The following ZNF280B variants were observed in gnomAD, a reference collection of about 807,000 sequenced individuals.
The protein encoded by ZNF280B is suppressor of hairy wing homolog 2.
Under a neutral mutation model 38.0 loss-of-function variants are expected in ZNF280B, and 16 were observed. The observed-to-expected ratio is 0.42, with a 90% CI of 0.28 to 0.64. ZNF280B has a LOEUF of 0.64. ZNF280B is among the 30% of genes least tolerant of loss of function. The pLI, the probability that ZNF280B is intolerant of heterozygous loss-of-function variation, is 0.21. For synonymous variants in ZNF280B, 253 were observed against 230.6 expected, an observed-to-expected ratio of 1.10 and a Z score of -0.88; for missense variants, 581 against 639.6, an observed-to-expected ratio of 0.91 and a Z score of 0.99.
At chr22:22,492,408 C>T (rs1345252610) in intron 3 of ZNF280B, among the ~76,000 whole-genome samples, 1 of 151,842 alleles carries the variant, frequency 6.6e-6, no homozygotes. Context: ...TTAGCAGCAT[C>T]TGTGATCTCT....
chr22:22,499,486 C>CG (rs2061772780), intron 2 of ZNF280B, among the ~76,000 whole-genome samples: 1 of 151,730 alleles, frequency 6.6e-6, no homozygotes, highest in African/African-American at 2.4e-5. Context: ...AGGCTGGTCT[C>CG]GAACTCCCGA....
chr22:22,489,495 A>G, intron 3 of ZNF280B, 29 bp from the exon 4 acceptor site: 1 of 1,046,554 alleles, frequency 9.6e-7, no homozygotes, highest in Non-Finnish European at 1.4e-6. Flanking sequence ...CAGTAAGTAC[A>G]GGAAAATGCA....
intron 2 of ZNF280B, among the ~76,000 whole-genome samples, chr22:22,502,890 C>T (rs763543371): frequency 6.6e-6 from 1 of 151,916 alleles, no homozygotes; most frequent in African/African-American, 2.4e-5. Context: ...GGAAAATTAT[C>T]CTGGACTATA....
At chr22:22,499,870 G>A (rs1397549000) in intron 2 of ZNF280B, among the ~76,000 whole-genome samples, 1 of 151,916 alleles carries the variant, frequency 6.6e-6, no homozygotes, top group Non-Finnish European at 1.5e-5. Flanking sequence ...GAAGCAAAAA[G>A]CATTCAGATT....
chr22:22,495,801 T>C (rs2061681540), intron 2 of ZNF280B, among the ~76,000 whole-genome samples: 1 of 151,846 alleles, frequency 6.6e-6, no homozygotes, highest in African/African-American at 2.4e-5. Flanking sequence ...GATTTTTTTT[T>C]TTTTTAATTG....
intron 2 of ZNF280B, among the ~76,000 whole-genome samples, chr22:22,497,236 AAAAAAAAAAAAAG>A (rs2061718609): frequency 1.6e-5 from 2 of 126,032 alleles, no homozygotes; most frequent in East Asian, 5.0e-4. Flanking sequence ...AAAAAAAAAA[AAAAAAAAAAAAAG>A]GCCAGGCACA....
intron 2 of ZNF280B, among the ~76,000 whole-genome samples, chr22:22,504,975 G>A (rs1222147819): frequency 6.6e-6 from 1 of 151,870 alleles, no homozygotes; most frequent in African/African-American, 2.4e-5. Flanking sequence ...GGGGTAGTCA[G>A]AAAATAATTT....
Position 22,488,782 on chromosome 22 carries a change from T to A in ZNF280B, c.617A>T (p.Asp206Val). 6.2e-7 allele frequency: 1 copy of A among 1,613,864 alleles called. No homozygotes were observed. The highest frequency in any genetic ancestry group is 8.5e-7 in the Non-Finnish European group (1 of 1,179,962). Reference sequence around the variant, plus strand: ...CTGAGTATTCATTGTATGAAAGGTATCTGAAGGGAATGAAGCTGAAGAATT... The same window carrying A: ...CTGAGTATTCATTGTATGAAAGGTAACTGAAGGGAATGAAGCTGAAGAATT... ...EGNSSASFPS[D>V]TFHTMNTQQS... The change falls in exon 4 of 4, where the codon GAT becomes GTT. Residue 206 changes from aspartate to valine, a missense_variant. By Grantham distance (152) the Asp-to-Val change is radical. Transcript: ENST00000626650.
At position 22,486,038 on chromosome 22, in the gene ZNF280B, T is replaced by A. The variant is rs2061496605; in HGVS notation, c.*1729A>T. On this transcript the variant is annotated 3_prime_UTR_variant, in exon 4 of 4. Coordinates refer to ENST00000626650, the MANE Select transcript of ZNF280B (RefSeq NM_080764.4). ...TACAGATTAGATAGGATAGATCAGA[T>A]GAAGGACATTAACTCTAAGTCTTAA... is the stretch of plus-strand genomic sequence containing the variant. 1 of 151,984 alleles carries A rather than the reference T, an allele frequency of 6.6e-6. No homozygotes were observed. Among genetic ancestry groups the A allele is most frequent in the African/African-American group, 2.4e-5 (1 of 41,402 alleles). The allele number at this position is 151,984 out of a possible 1,614,324, so 9.4% of individuals were successfully genotyped here.
intron 2 of ZNF280B, among the ~76,000 whole-genome samples, chr22:22,497,680 GGAATAAA>G (rs1254507160): frequency 1.5e-4 from 23 of 151,880 alleles, no homozygotes; most frequent in African/African-American, 5.3e-4. Flanking sequence ...GGGGAATGGT[GGAATAAA>G]GACCTACAAA....
rs2061510573 is a variant in ZNF280B, at chr22:22,487,001, A to G, written c.*766T>C. The G allele has an allele frequency of 6.6e-6, 1 of 152,052 alleles. No homozygotes were observed. The highest frequency in any genetic ancestry group is 2.4e-5 in the African/African-American group (1 of 41,432). 9.4% of individuals were successfully genotyped at this position (152,052 alleles called of 1,614,324 possible). A position where few individuals can be genotyped will look rare whatever the true frequency, so the allele number is the denominator to read the frequency against. ...TCGGCAGCAAGTGGGCCAGGGCATA[A>G]CAAAGCCATTCCAGTCTGACTAGAG... On this transcript the variant is annotated 3_prime_UTR_variant, in exon 4 of 4. Coordinates refer to ENST00000626650, the MANE Select transcript of ZNF280B (RefSeq NM_080764.4).
chr22:22,491,409 C>A (rs978722608), intron 3 of ZNF280B, among the ~76,000 whole-genome samples: 1 of 150,100 alleles, frequency 6.7e-6, no homozygotes, highest in Non-Finnish European at 1.5e-5. Flanking sequence ...ACCTTTACTA[C>A]ACAGGCTGCA....
In ZNF280B at chr22:22,487,767, T is replaced by A; in HGVS notation, c.1632A>T (p.Ter544TyrextTer2). The A allele has an allele frequency of 6.4e-7, 1 of 1,568,054 alleles. No individual in the cohort carries two copies. The highest frequency in any genetic ancestry group is 8.6e-7 in the Non-Finnish European group (1 of 1,161,992). Residue 544 changes from the stop codon to tyrosine, a stop_lost, in exon 4 of 4, where the codon TAA becomes TAT. Transcript: ENST00000626650. ...TGCTTTAGATTTACTGAAACTAGAA[T>A]TAATGGGACTTTTTTGAAATTTTGC... ...SKSKISKKSH[*>Y]
Position 22,485,471 on chromosome 22 carries a change from C to G in ZNF280B, c.*2296G>C, listed in dbSNP as rs1441011895. The G allele has an allele frequency of 6.6e-6, 1 of 151,914 alleles. No homozygotes were observed. The highest frequency in any genetic ancestry group is 2.4e-5 in the African/African-American group (1 of 41,352). The allele number at this position is 151,914 out of a possible 1,614,324, so 9.4% of individuals were successfully genotyped here. A position where few individuals can be genotyped will look rare whatever the true frequency, so the allele number is the denominator to read the frequency against. On this transcript the variant is annotated 3_prime_UTR_variant, in exon 4 of 4. Transcript: ENST00000626650. ...AAGTGTCTTAACCCAAGCAACGTAA[C>G]TGAAAAGACCTAGTATAGTGTTCAA...
intron 3 of ZNF280B, among the ~76,000 whole-genome samples, chr22:22,492,841 A>T (rs1244912081): frequency 6.6e-6 from 1 of 150,538 alleles, no homozygotes; most frequent in African/African-American, 2.4e-5. Flanking sequence ...AGCCAAGACC[A>T]CGTCACTGCA....
At chr22:22,504,154 C>T (rs767328919) in intron 2 of ZNF280B, among the ~76,000 whole-genome samples, 25 of 151,948 alleles carry the variant, frequency 1.6e-4, no homozygotes, top group Admixed American at 6.6e-4. Flanking sequence ...TTGTGCCAGG[C>T]CGGGCATGGT....
chr22:22,499,408 G>A (rs1020417979), intron 2 of ZNF280B, among the ~76,000 whole-genome samples: 1 of 151,766 alleles, frequency 6.6e-6, no homozygotes, highest in African/African-American at 2.4e-5. Context: ...GGGATTACAG[G>A]CATGCGTCAC....
chr22:22,503,921 C>T (rs2061878685), intron 2 of ZNF280B, among the ~76,000 whole-genome samples: 1 of 151,364 alleles, frequency 6.6e-6, no homozygotes, highest in East Asian at 2.0e-4. Flanking sequence ...GACTGGGAAG[C>T]TCCCAGGGAA....
chr22:22,496,128 A>AGATGGAGTCTCGCTGTGTCACCCAG (rs2061689683), intron 2 of ZNF280B, among the ~76,000 whole-genome samples: 1 of 92,174 alleles, frequency 1.1e-5, no homozygotes, highest in Non-Finnish European at 2.0e-5. Context: ...TTTTTTTTTA[A>AGATGGAGTCTCGCTGTGTCACCCAG]GATGGAGTCT....
Sources: allele counts gnomAD v4.1 joint callset (sites outside exome capture counted in the v4.1 genomes callset), GRCh38; gene constraint gnomAD v4.1.1; transcripts MANE v1.5; gene names NCBI Gene and HGNC (gene_info 2026-07-23, HGNC 2026-07-21).